TRHDE: variants seen among roughly 807,000 people sequenced by gnomAD.
The protein encoded by TRHDE is thyrotropin-releasing hormone-degrading ectoenzyme.
Under a neutral mutation model 125.7 loss-of-function variants are expected in TRHDE, and 72 were observed. The observed-to-expected ratio is 0.57, with a 90% CI of 0.47 to 0.70. TRHDE has a LOEUF of 0.70. Ranked by LOEUF, TRHDE falls within the 30% of genes least tolerant of loss-of-function variation. The pLI is 0.00. For missense variants in TRHDE, 1,110 were observed against 1,327.1 expected (o/e 0.84, Z 2.54); for synonymous variants, 509 against 509.1 (o/e 1.00, Z 0.00).
chr12:72,264,259 T>TA (rs1343334275), intron 2 of TRHDE: 1 of 151,926 alleles, frequency 6.6e-6, no homozygotes, highest in Non-Finnish European at 1.5e-5. Context: ...GCAACATAAT[T>TA]AAAAAATAAA....
At chr12:72,576,922 G>A (rs535166549) in intron 12 of TRHDE, among the ~76,000 whole-genome samples, 42 of 152,172 alleles carry the variant, frequency 2.8e-4, no homozygotes, top group African/African-American at 9.4e-4. Flanking sequence ...AAAGATAAAC[G>A]AAGGCTTTTC....
intron 6 of TRHDE, among the ~76,000 whole-genome samples, chr12:72,514,630 T>C (rs905868313): frequency 1.3e-5 from 2 of 151,938 alleles, no homozygotes; most frequent in African/African-American, 4.8e-5. Context: ...ACTTTTTCTT[T>C]TTTTTTTTAA....
intron 12 of TRHDE, among the ~76,000 whole-genome samples, chr12:72,601,524 T>C (rs1872206198): frequency 6.6e-6 from 1 of 152,160 alleles, no homozygotes; most frequent in Admixed American, 6.5e-5. Flanking sequence ...AGTTCTACTG[T>C]GGGTAAAATG....
chr12:72,664,563 T>G lies in TRHDE; in HGVS notation c.*1368T>G, dbSNP rs1482524135. 6.6e-6 allele frequency: 1 copy of G among 152,208 alleles called. No homozygotes were observed. The highest frequency in any genetic ancestry group is 1.5e-5 in the Non-Finnish European group (1 of 68,002). 9.4% of individuals were successfully genotyped at this position (152,208 alleles called of 1,614,324 possible). ...TAACACAAATGTTTTTAAATGGTATTCTCACCCAGTAGGCCAGCTCTCCAA... is the reference window on the plus strand; with the variant it reads ...TAACACAAATGTTTTTAAATGGTATGCTCACCCAGTAGGCCAGCTCTCCAA... On this transcript the variant is annotated 3_prime_UTR_variant, in exon 19 of 19. Transcript: ENST00000261180.
intron 2 of TRHDE, among the ~76,000 whole-genome samples, chr12:72,301,746 G>T (rs921618170): frequency 1.2e-4 from 18 of 152,176 alleles, no homozygotes; most frequent in Non-Finnish European, 7.3e-5. Context: ...ACATAGGAGT[G>T]TGCAAAGCTT....
chr12:72,636,862 T>A (rs1873777645), intron 15 of TRHDE, among the ~76,000 whole-genome samples: 1 of 151,980 alleles, frequency 6.6e-6, no homozygotes, highest in South Asian at 2.1e-4. Context: ...GCCCACTTGA[T>A]CATGGTGGAT....
chr12:72,316,298 C>G (rs1565695673), intron 2 of TRHDE, among the ~76,000 whole-genome samples: 1 of 152,098 alleles, frequency 6.6e-6, no homozygotes, highest in African/African-American at 2.4e-5. Flanking sequence ...TGCTGCCTCA[C>G]CCTTCTCATT....
intron 17 of TRHDE, among the ~76,000 whole-genome samples, chr12:72,655,117 G>T (rs997939925): frequency 1.2e-4 from 19 of 152,188 alleles, no homozygotes; most frequent in African/African-American, 4.6e-4. Context: ...CTGTCACCCA[G>T]GCTGGAGCGC....
intron 2 of TRHDE, among the ~76,000 whole-genome samples, chr12:72,225,812 G>A (rs963228697): frequency 6.6e-6 from 1 of 152,172 alleles, no homozygotes; most frequent in Non-Finnish European, 1.5e-5. Context: ...GAAAGGCTAG[G>A]TGTTTGTATT....
chr12:72,132,307 A>T (rs894633914), intron 2 of TRHDE, among the ~76,000 whole-genome samples: 33 of 152,198 alleles, frequency 2.2e-4, no homozygotes, highest in Non-Finnish European at 4.0e-4. Context: ...TCATAGCCAA[A>T]AAAGAGTTTT....
At chr12:72,099,737 G>A (rs575140370) in intron 1 of TRHDE, among the ~76,000 whole-genome samples, 65 of 152,210 alleles carry the variant, frequency 4.3e-4, no homozygotes, top group Admixed American at 9.8e-4. Context: ...TGTTTCAGTG[G>A]AAAAATCCAC....
At chr12:72,585,432 GT>G (rs1871399023) in intron 12 of TRHDE, among the ~76,000 whole-genome samples, 1 of 152,042 alleles carries the variant, frequency 6.6e-6, no homozygotes. Flanking sequence ...CGTACTTATG[GT>G]CACTCCACAG....
chr12:72,098,299 T>C, intron 1 of TRHDE, among the ~76,000 whole-genome samples: 1 of 152,190 alleles, frequency 6.6e-6, no homozygotes. Flanking sequence ...AGAGAGCTCG[T>C]GTAGTTTTTA....
chr12:72,368,392 CCTTT>C (rs757038483), intron 2 of TRHDE, among the ~76,000 whole-genome samples: 1 of 151,908 alleles, frequency 6.6e-6, no homozygotes, highest in Non-Finnish European at 1.5e-5. Flanking sequence ...TGTATTTTTA[CCTTT>C]CTTTAAATAA....
upstream of TRHDE, among the ~76,000 whole-genome samples, chr12:72,271,515 C>G (rs1411909286): frequency 6.6e-6 from 1 of 152,060 alleles, no homozygotes; most frequent in Middle Eastern, 3.2e-3. Context: ...CTCAGCAACC[C>G]CCTCTGTGGC....
At chr12:72,139,999 G>T (rs1358490027) in intron 2 of TRHDE, 2 of 152,176 alleles carry the variant, frequency 1.3e-5, no homozygotes. Context: ...AGCAGGCTCT[G>T]AAAGAGATCG....
intron 2 of TRHDE, among the ~76,000 whole-genome samples, chr12:72,248,992 G>A (rs979083165): frequency 6.6e-6 from 1 of 151,956 alleles, no homozygotes; most frequent in Admixed American, 6.6e-5. Flanking sequence ...CATATTAATG[G>A]AGACAAAGGG....
chr12:72,580,857 T>C (rs1240570829), intron 12 of TRHDE, among the ~76,000 whole-genome samples: 2 of 152,238 alleles, frequency 1.3e-5, no homozygotes, highest in Non-Finnish European at 2.9e-5. Flanking sequence ...GCAGGGAAGA[T>C]GCATGGTACG....
chr12:72,555,642 T>C (rs1047856187), intron 7 of TRHDE, among the ~76,000 whole-genome samples: 5 of 152,200 alleles, frequency 3.3e-5, no homozygotes, highest in African/African-American at 4.8e-5. Context: ...CCTTGGTCTA[T>C]AGTCTAGCTT....
Sources: gnomAD v4.1 joint callset for allele counts (sites outside exome capture counted in the v4.1 genomes callset) on GRCh38, gnomAD v4.1.1 for gene constraint, MANE v1.5 for transcripts, NCBI Gene and HGNC (gene_info 2026-07-23, HGNC 2026-07-21) for gene names.